CHD2: variants seen among roughly 807,000 people sequenced by gnomAD.
CHD2 encodes ATP-dependent chromatin remodeler CHD2.
A neutral mutation model predicts 243.9 loss-of-function variants in CHD2; 28 were observed. The ratio of observed to expected loss-of-function variants is 0.11; its 90% CI spans 0.09 to 0.16. CHD2 has a LOEUF of 0.16. Among genes scored for constraint, CHD2 ranks in the 10% least tolerant of loss-of-function variants. CHD2 has a pLI of 1.00. For synonymous variants in CHD2, 775 were observed against 779.0 expected (o/e 0.99, Z 0.09); for missense variants, 1,386 against 2,209.8 (o/e 0.63, Z 7.47).
chr15:93,010,247 G>A (rs1250703047), intron 35 of CHD2, among the ~76,000 whole-genome samples: 7 of 152,154 alleles, frequency 4.6e-5, no homozygotes, highest in Non-Finnish European at 1.0e-4. Context: ...ATTTAGGCTG[G>A]TTCCATGTTT....
rs1196454550 is a variant in CHD2, at chr15:92,972,846, G to A, written c.2505+429G>A. Among the ~76,000 whole-genome samples the A allele has an allele frequency of 3.8e-4, 3 of 7,804 alleles. 1 individual carries two copies. Among genetic ancestry groups the A allele is most frequent in the Admixed American group, 0.011 (2 of 176 alleles). The allele number at this position is 7,804 out of a possible 152,430, so 5.1% of individuals were successfully genotyped here. A position where few individuals can be genotyped will look rare whatever the true frequency, so the allele number is the denominator to read the frequency against. On this transcript the variant is annotated intron_variant, in intron 19 of 38. Coordinates refer to ENST00000394196, the MANE Select transcript of CHD2 (RefSeq NM_001271.4). ...AGCCTGGGCGACAGAGCGAGACTCC[G>A]TCTCAAAAAAAAAAAAAAAAAAAAA...
chr15:92,974,842 T>G (rs752635402), intron 19 of CHD2, 37 bp from the exon 20 acceptor site: 2 of 1,593,798 alleles, frequency 1.3e-6, no homozygotes, highest in Non-Finnish European at 1.7e-6. Context: ...TAGCTGATCT[T>G]CCTATCTTAC....
At chr15:93,010,926 G>A (rs574562565) in intron 35 of CHD2, among the ~76,000 whole-genome samples, 3 of 152,306 alleles carry the variant, frequency 2.0e-5, no homozygotes, top group African/African-American at 7.2e-5. Context: ...TGGTTTTTGA[G>A]TGAAAAGTGG....
chr15:92,917,546 G>T (rs1320318415), intron 2 of CHD2, among the ~76,000 whole-genome samples: 1 of 152,194 alleles, frequency 6.6e-6, no homozygotes, highest in Non-Finnish European at 1.5e-5. Flanking sequence ...GGGCTACAGA[G>T]CGCGACTTGG....
intron 11 of CHD2, 22 bp downstream of exon 11, chr15:92,945,887 T>A (rs181909863): frequency 6.4e-7 from 1 of 1,559,198 alleles, no homozygotes; most frequent in Non-Finnish European, 8.7e-7. Context: ...ATTTTATTTA[T>A]AAATGTTCTT....
At position 92,900,346 on chromosome 15, in the gene CHD2, A is replaced by T. The variant is rs2052511854; in HGVS notation, c.-550A>T. ...CTCAGAGCTGGGAAGGAGGCTCTAG[A>T]TGGCGGCTGTGCCTTAGAGAGAGCG... is the stretch of plus-strand genomic sequence containing the variant. On this transcript the variant is annotated 5_prime_UTR_variant, in exon 1 of 39. It removes an upstream start codon present in the reference 5' UTR. Transcript: ENST00000394196. 2.6e-6 allele frequency: 1 copy of T among 385,446 alleles called. No individual in the cohort carries two copies. The highest frequency in any genetic ancestry group is 2.1e-5 in the African/African-American group (1 of 48,294). 23.9% of individuals were successfully genotyped at this position (385,446 alleles called of 1,614,324 possible). A position where few individuals can be genotyped will look rare whatever the true frequency, so the allele number is the denominator to read the frequency against.
intron 2 of CHD2, 53 bp from the exon 3 acceptor site, chr15:92,924,261 TAAGCAGA>T: frequency 2.0e-6 from 3 of 1,472,424 alleles, no homozygotes; most frequent in Admixed American, 3.7e-5. Flanking sequence ...AATTTTTTTT[TAAGCAGA>T]TTCATGTGTC....
intron 5 of CHD2, among the ~76,000 whole-genome samples, chr15:92,933,315 CTG>C (rs2053208602): frequency 6.6e-6 from 1 of 152,134 alleles, no homozygotes; most frequent in East Asian, 1.9e-4. Context: ...GCATAACAAT[CTG>C]TGTTTTTAGC....
chr15:92,945,720 T>G (rs1596398878), intron 10 of CHD2, 101 bp from the exon 11 acceptor site: 6 of 656,696 alleles, frequency 9.1e-6, no homozygotes, highest in South Asian at 8.2e-5. Flanking sequence ...TTTTTTAAGG[T>G]GTGAGGTAGT....
Position 92,941,919 on chromosome 15 carries a change from G to C in CHD2, c.790G>C (p.Glu264Gln). The change falls in exon 8 of 39, where the codon GAA becomes CAA. Residue 264 changes from glutamate to glutamine, a missense_variant. Physicochemically the swap from Glu to Gln is conservative, Grantham distance 29. Coordinates refer to ENST00000394196, the MANE Select transcript of CHD2 (RefSeq NM_001271.4). ...ACAGCAAGATAATAGTGAAACTATT[G>C]AAAAGGTCTTAGATTCAAGACTGGG... ...DEQQDNSETI[E>Q]KVLDSRLGKK... The C allele has an allele frequency of 6.2e-7, 1 of 1,613,116 alleles. No individual in the cohort carries two copies. Among genetic ancestry groups the C allele is most frequent in the Non-Finnish European group, 8.5e-7 (1 of 1,179,400 alleles).
chr15:92,906,970 A>G (rs542105588), intron 2 of CHD2, among the ~76,000 whole-genome samples: 8 of 152,320 alleles, frequency 5.3e-5, no homozygotes, highest in Non-Finnish European at 7.3e-5. Context: ...GGTTATCAGT[A>G]TAAAGCCTGA....
At chr15:92,953,752 A>AT (rs1209989417) in intron 14 of CHD2, 179 bp downstream of exon 14, 2 of 609,304 alleles carry the variant, frequency 3.3e-6, no homozygotes, top group African/African-American at 1.9e-5. Context: ...TCTTTAACAA[A>AT]TATGCTTACT....
intron 34 of CHD2, among the ~76,000 whole-genome samples, chr15:93,005,832 C>T (rs886412625): frequency 6.6e-6 from 1 of 152,136 alleles, no homozygotes; most frequent in African/African-American, 2.4e-5. Context: ...ACATAGCCAG[C>T]TAACCAATCT....
chr15:92,923,708 G>T (rs1362487331), intron 2 of CHD2, among the ~76,000 whole-genome samples: 2 of 151,932 alleles, frequency 1.3e-5, no homozygotes, highest in East Asian at 3.9e-4. Context: ...TTAGACTGCA[G>T]GTGTGTGCCA....
intron 36 of CHD2, among the ~76,000 whole-genome samples, chr15:93,012,697 A>G (rs1031473138): frequency 6.6e-6 from 1 of 152,062 alleles, no homozygotes. Flanking sequence ...TTTTTCTTCC[A>G]TTTGCATTTT....
At chr15:92,904,594 C>T in intron 2 of CHD2, 4 of 1,090,070 alleles carry the variant, frequency 3.7e-6, no homozygotes, top group Non-Finnish European at 4.5e-6. Context: ...TAGCGGTCCG[C>T]ACCCTGTAGT....
chr15:92,964,851 C>T (rs955821264), intron 16 of CHD2, among the ~76,000 whole-genome samples: 6 of 152,122 alleles, frequency 3.9e-5, no homozygotes, highest in Non-Finnish European at 7.3e-5. Context: ...AGTTTGATAG[C>T]ATGTATTTCA....
chr15:93,014,236 C>G (rs2054430672), intron 36 of CHD2, among the ~76,000 whole-genome samples: 1 of 151,948 alleles, frequency 6.6e-6, no homozygotes, highest in South Asian at 2.1e-4. Context: ...AAACATTTGA[C>G]TTGTGTGATA....
rs2053431831 is a variant in CHD2 at position 92,944,536 on chromosome 15, T to C, written c.1153+21T>C. 3 of 1,255,768 alleles carry C rather than the reference T, an allele frequency of 2.4e-6. No individual in the cohort carries two copies. The South Asian group carries it at 4.5e-5, about 19-fold the overall frequency. The allele number at this position is 1,255,768 out of a possible 1,614,324, so 77.8% of individuals were successfully genotyped here. A position where few individuals can be genotyped will look rare whatever the true frequency, so the allele number is the denominator to read the frequency against. On this transcript the variant is annotated intron_variant, in intron 10 of 38. Transcript: ENST00000394196. The stretch of plus-strand genomic sequence containing the variant: ...AATAGGTAAGTACATGGTAACTCAC[T>C]TCAGCCATATTTGAACTTGAGGAAT...
Sources: gnomAD v4.1 joint callset for allele counts (sites outside exome capture counted in the v4.1 genomes callset) on GRCh38, gnomAD v4.1.1 for gene constraint, MANE v1.5 for transcripts, NCBI Gene and HGNC (gene_info 2026-07-23, HGNC 2026-07-21) for gene names.